The following PDS5A variants were observed in gnomAD, a reference collection of about 807,000 sequenced individuals.
The protein encoded by PDS5A is PDS5 cohesin associated factor A.
PDS5A carries 42 observed loss-of-function variants against 167.1 expected under a neutral mutation model. That is an observed-to-expected ratio of 0.25 (90% confidence interval 0.20 to 0.33). The LOEUF is 0.33. PDS5A is among the 10% of genes least tolerant of loss of function. The probability of loss-of-function intolerance (pLI) is 1.00; values close to 1 mark genes in which losing one functional copy is unlikely to be tolerated. For missense variants in PDS5A, 1,033 were observed against 1,605.9 expected, an observed-to-expected ratio of 0.64 and a Z score of 6.10; for synonymous variants, 553 against 554.6, an observed-to-expected ratio of 1.00 and a Z score of 0.04.
chr4:39,937,510 C>T (rs895027705), intron 2 of PDS5A, among the ~76,000 whole-genome samples: 2 of 152,248 alleles, frequency 1.3e-5, no homozygotes, highest in East Asian at 3.9e-4. Flanking sequence ...ACCTCCCTGG[C>T]TCAAGTGATC....
intron 30 of PDS5A, among the ~76,000 whole-genome samples, chr4:39,843,829 A>G (rs1037031866): frequency 2.5e-4 from 38 of 152,094 alleles, no homozygotes; most frequent in African/African-American, 8.7e-4. Flanking sequence ...TGTGCAGTAC[A>G]TTCTTGATTT....
intron 1 of PDS5A, 70 bp from the exon 2 acceptor site, chr4:39,976,687 T>C: frequency 1.3e-6 from 1 of 785,392 alleles, no homozygotes; most frequent in Non-Finnish European, 2.0e-6. Flanking sequence ...ATTTCAAATC[T>C]CTCTAATCTG....
In PDS5A at chr4:39,869,374, CA is replaced by C. The variant is rs1560441258; in HGVS notation, c.2505+19del. 7.0e-7 allele frequency: 1 copy of C among 1,427,396 alleles called. No individual in the cohort carries two copies. The highest frequency in any genetic ancestry group is 1.7e-5 in the Admixed American group (1 of 58,256). 88.4% of individuals were successfully genotyped at this position (1,427,396 alleles called of 1,614,324 possible). A position where few individuals can be genotyped will look rare whatever the true frequency, so the allele number is the denominator to read the frequency against. On this transcript the variant is annotated intron_variant, in intron 22 of 32. Coordinates refer to ENST00000303538, the MANE Select transcript of PDS5A (RefSeq NM_001100399.2). ...TCCCTTTTTTAAACATGAAGATTAT[CA>C]AGGCCTAAACAAATTTACCTTTGCT... is the stretch of plus-strand genomic sequence containing the variant.
At chr4:39,905,266 A>G (rs1723231489) in intron 11 of PDS5A, among the ~76,000 whole-genome samples, 1 of 152,172 alleles carries the variant, frequency 6.6e-6, no homozygotes, top group Non-Finnish European at 1.5e-5. Context: ...TCAGTTAAAA[A>G]TCTGACCAAG....
intron 26 of PDS5A, among the ~76,000 whole-genome samples, chr4:39,850,338 A>G (rs1431255090): frequency 6.6e-6 from 1 of 151,858 alleles, no homozygotes; most frequent in African/African-American, 2.4e-5. Flanking sequence ...AAAAATACAA[A>G]AATTAGCTGG....
chr4:39,922,774 A>G, intron 5 of PDS5A, 26 bp from the exon 6 acceptor site: 1 of 1,405,548 alleles, frequency 7.1e-7, no homozygotes, highest in Non-Finnish European at 9.3e-7. Flanking sequence ...AAAAAGAATA[A>G]GTAGTAGGAG....
At chr4:39,830,842 A>C (rs1715795286) in intron 32 of PDS5A, among the ~76,000 whole-genome samples, 1 of 152,242 alleles carries the variant, frequency 6.6e-6, no homozygotes. Flanking sequence ...TAATCCTAAA[A>C]TGCAAGGATT....
chr4:39,825,982 A>G (rs1053591427), intron 32 of PDS5A, among the ~76,000 whole-genome samples: 26 of 152,174 alleles, frequency 1.7e-4, no homozygotes. Context: ...CCTAAACTAT[A>G]TAAAAACCAA....
At chr4:39,904,482 G>T (rs1249078088) in intron 11 of PDS5A, among the ~76,000 whole-genome samples, 4 of 152,146 alleles carry the variant, frequency 2.6e-5, no homozygotes, top group Admixed American at 2.6e-4. Flanking sequence ...GGGACTACAG[G>T]CGCCCGCACG....
At chr4:39,896,665 T>C (rs1048483282) in intron 16 of PDS5A, among the ~76,000 whole-genome samples, 1 of 151,342 alleles carries the variant, frequency 6.6e-6, no homozygotes, top group Non-Finnish European at 1.5e-5. Flanking sequence ...ACTCAGGAGA[T>C]TGAAGGGAGA....
intron 17 of PDS5A, among the ~76,000 whole-genome samples, chr4:39,885,550 G>A (rs1016111470): frequency 2.6e-5 from 4 of 152,010 alleles, no homozygotes; most frequent in South Asian, 2.1e-4. Flanking sequence ...AGCCAGGATC[G>A]TGCATTTCAG....
chr4:39,878,959 G>A (rs1720710641), intron 18 of PDS5A, among the ~76,000 whole-genome samples: 2 of 152,098 alleles, frequency 1.3e-5, no homozygotes, highest in Admixed American at 1.3e-4. Flanking sequence ...GGCCAGGATG[G>A]TCTCGATCTC....
intron 2 of PDS5A, among the ~76,000 whole-genome samples, chr4:39,949,394 G>A (rs1369940355): frequency 6.6e-6 from 1 of 151,068 alleles, no homozygotes; most frequent in East Asian, 1.9e-4. Context: ...ACTTGCTTAT[G>A]ATTCCATTTA....
At chr4:39,902,519 G>T (rs879239461) in intron 12 of PDS5A, 59 bp from the exon 13 acceptor site, 2 of 790,704 alleles carry the variant, frequency 2.5e-6, no homozygotes, top group South Asian at 1.9e-5. Flanking sequence ...TTTTTAAGAA[G>T]CAATTTTTTT....
At chr4:39,848,420 C>T (rs1717831699) in intron 28 of PDS5A, 1 of 166,790 alleles carries the variant, frequency 6.0e-6, no homozygotes, top group South Asian at 1.5e-4. Context: ...ATGTGATAAA[C>T]TCTTCATATA....
At chr4:39,930,190 TG>T in intron 2 of PDS5A, among the ~76,000 whole-genome samples, 1 of 109,788 alleles carries the variant, frequency 9.1e-6, no homozygotes, top group African/African-American at 3.6e-5. Context: ...CACTCCAGCC[TG>T]GGCAACAGAG....
intron 26 of PDS5A, among the ~76,000 whole-genome samples, chr4:39,855,495 T>C (rs1373594559): frequency 6.6e-6 from 1 of 152,086 alleles, no homozygotes; most frequent in African/African-American, 2.4e-5. Context: ...GAAGAAAGAA[T>C]TAGGAATTAA....
intron 2 of PDS5A, among the ~76,000 whole-genome samples, chr4:39,945,810 T>C (rs1727699856): frequency 6.6e-6 from 1 of 152,178 alleles, no homozygotes; most frequent in Non-Finnish European, 1.5e-5. Context: ...TCGTTTGCCT[T>C]ATGCTTAAAA....
At position 39,956,243 on chromosome 4, in the gene PDS5A, C is replaced by A. The variant is rs540326790; in HGVS notation, c.138+20197G>T. Reference sequence around the variant, plus strand: ...CGATGGCTCACACCTGTAATCCCAGCACTTTTGGGAGGCTATGGCAGGCAA... The same window carrying A: ...CGATGGCTCACACCTGTAATCCCAGAACTTTTGGGAGGCTATGGCAGGCAA... On this transcript the variant is annotated intron_variant, in intron 2 of 32. Coordinates refer to ENST00000303538, the MANE Select transcript of PDS5A (RefSeq NM_001100399.2). 1.6e-4 allele frequency among the ~76,000 whole-genome samples: 25 copies of A among 152,152 alleles called. No individual in the cohort carries two copies. The South Asian group carries it at 4.1e-3, about 25-fold the overall frequency.
Sources: allele counts gnomAD v4.1 joint callset (sites outside exome capture counted in the v4.1 genomes callset), GRCh38; gene constraint gnomAD v4.1.1; transcripts MANE v1.5; gene names NCBI Gene and HGNC (gene_info 2026-07-23, HGNC 2026-07-21).